The following THSD4 variants were observed in gnomAD, a reference collection of about 807,000 sequenced individuals.
THSD4 encodes the protein thrombospondin type 1 domain containing 4.
THSD4 carries 69 observed loss-of-function variants against 119.0 expected under a neutral mutation model. The observed-to-expected ratio is 0.58, with a 90% CI of 0.48 to 0.71. THSD4 has a LOEUF of 0.71. Among genes scored for constraint, THSD4 ranks in the 30% least tolerant of loss-of-function variants. THSD4 has a pLI of 0.00. For missense variants in THSD4, 1,393 were observed against 1,391.1 expected (o/e 1.00, Z -0.02); for synonymous variants, 524 against 540.4 (o/e 0.97, Z 0.42).
intron 6 of THSD4, among the ~76,000 whole-genome samples, chr15:71,392,074 G>A (rs2046386070): frequency 6.6e-6 from 1 of 152,210 alleles, no homozygotes; most frequent in African/African-American, 2.4e-5. Flanking sequence ...AGAACAGGCA[G>A]CTCAGAAGGG....
intron 7 of THSD4, among the ~76,000 whole-genome samples, chr15:71,441,481 GT>G (rs144658901): frequency 0.083 from 10,972 of 132,158 alleles, 657 homozygotes; most frequent in East Asian, 0.31. Context: ...GCCCCCTGGG[GT>G]TTTTTTTTTT....
intron 7 of THSD4, among the ~76,000 whole-genome samples, chr15:71,579,898 G>A (rs901028751): frequency 2.6e-5 from 4 of 151,562 alleles, no homozygotes; most frequent in African/African-American, 4.9e-5. Flanking sequence ...ACACATAAAC[G>A]GTGGGGTTTT....
At chr15:71,677,658 C>A (rs1023159183) in intron 8 of THSD4, among the ~76,000 whole-genome samples, 9 of 152,146 alleles carry the variant, frequency 5.9e-5, no homozygotes, top group African/African-American at 2.2e-4. Flanking sequence ...CAACTCTGCC[C>A]CACCCCCTTC....
intron 8 of THSD4, among the ~76,000 whole-genome samples, chr15:71,666,549 C>T (rs1275194278): frequency 6.6e-6 from 1 of 152,182 alleles, no homozygotes; most frequent in Non-Finnish European, 1.5e-5. Context: ...TTTTCACATA[C>T]ATGGCCTTCT....
At chr15:71,506,199 G>A (rs2048183709) in intron 7 of THSD4, among the ~76,000 whole-genome samples, 1 of 152,194 alleles carries the variant, frequency 6.6e-6, no homozygotes, top group South Asian at 2.1e-4. Context: ...TGGTTTTGCT[G>A]ATCTAGATCT....
intron 7 of THSD4, among the ~76,000 whole-genome samples, chr15:71,434,521 T>C (rs986471300): frequency 6.6e-6 from 1 of 150,796 alleles, no homozygotes; most frequent in East Asian, 1.9e-4. Context: ...TCATGTAGTA[T>C]TGAAGGTGGC....
chr15:71,722,960 C>T (rs918194978), intron 8 of THSD4, among the ~76,000 whole-genome samples: 32 of 152,016 alleles, frequency 2.1e-4, no homozygotes, highest in African/African-American at 7.5e-4. Flanking sequence ...CTTTCCATAC[C>T]CACACACACC....
At chr15:71,245,656 T>A (rs914165651) in intron 5 of THSD4, among the ~76,000 whole-genome samples, 1 of 152,226 alleles carries the variant, frequency 6.6e-6, no homozygotes, top group Non-Finnish European at 1.5e-5. Context: ...GTAAAAGTTC[T>A]ATACCAGAGA....
intron 11 of THSD4, among the ~76,000 whole-genome samples, chr15:71,741,525 C>A (rs368928227): frequency 5.3e-5 from 8 of 152,230 alleles, no homozygotes; most frequent in African/African-American, 1.9e-4. Context: ...AAAAACTGAA[C>A]AATCTCTTTC....
At chr15:71,721,654 A>T (rs2052725232) in intron 8 of THSD4, among the ~76,000 whole-genome samples, 1 of 144,468 alleles carries the variant, frequency 6.9e-6, no homozygotes, top group Non-Finnish European at 1.5e-5. Context: ...TGAGTAACAG[A>T]GTGAGACCCT....
At chr15:71,180,214 C>T (rs929904718) in intron 3 of THSD4, among the ~76,000 whole-genome samples, 4 of 147,694 alleles carry the variant, frequency 2.7e-5, no homozygotes, top group African/African-American at 1.0e-4. Context: ...AAAGGCAACC[C>T]ACAGAACGGG....
At chr15:71,551,673 G>A (rs376950809) in intron 7 of THSD4, among the ~76,000 whole-genome samples, 7 of 152,166 alleles carry the variant, frequency 4.6e-5, no homozygotes, top group Admixed American at 6.5e-5. Flanking sequence ...GGGAAGGCAC[G>A]CAGGACCCAC....
At chr15:71,250,419 C>T (rs1452005023) in intron 5 of THSD4, among the ~76,000 whole-genome samples, 1 of 152,104 alleles carries the variant, frequency 6.6e-6, no homozygotes, top group Admixed American at 6.6e-5. Flanking sequence ...CTCACTACAA[C>T]CTCAAACTCC....
intron 7 of THSD4, among the ~76,000 whole-genome samples, chr15:71,508,327 T>G (rs2048224434): frequency 6.6e-6 from 1 of 152,210 alleles, no homozygotes; most frequent in Admixed American, 6.5e-5. Flanking sequence ...ATCTTCTCCC[T>G]CATGCCAGTT....
chr15:71,753,327 G>GA (rs769525632), intron 14 of THSD4, among the ~76,000 whole-genome samples: 2 of 151,860 alleles, frequency 1.3e-5, no homozygotes, highest in Non-Finnish European at 2.9e-5. Context: ...ATCACAACAG[G>GA]AAAAAAACAC....
At chr15:71,746,434 G>GC (rs2141170710) in intron 12 of THSD4, among the ~76,000 whole-genome samples, 1 of 152,000 alleles carries the variant, frequency 6.6e-6, no homozygotes, top group South Asian at 2.1e-4. Context: ...CTACTCCATT[G>GC]CCCAGGCTGG....
intron 7 of THSD4, among the ~76,000 whole-genome samples, chr15:71,413,964 T>C (rs2140506515): frequency 6.6e-6 from 1 of 152,350 alleles, no homozygotes; most frequent in South Asian, 2.1e-4. Flanking sequence ...GCTTTATCTT[T>C]CAGATTCCAA....
intron 7 of THSD4, among the ~76,000 whole-genome samples, chr15:71,538,615 T>C (rs2048717358): frequency 6.6e-6 from 1 of 152,252 alleles, no homozygotes; most frequent in African/African-American, 2.4e-5. Context: ...CCAGCAGGCA[T>C]CCACAGGGCT....
chr15:71,725,387 A>G (rs1182098927), intron 8 of THSD4, among the ~76,000 whole-genome samples: 1 of 152,232 alleles, frequency 6.6e-6, no homozygotes, highest in African/African-American at 2.4e-5. Flanking sequence ...TTTGTGAGTC[A>G]TTCACATATG....
Sources: allele counts gnomAD v4.1 joint callset (sites outside exome capture counted in the v4.1 genomes callset), GRCh38; gene constraint gnomAD v4.1.1; transcripts MANE v1.5; gene names NCBI Gene and HGNC (gene_info 2026-07-23, HGNC 2026-07-21).